Variants in NRF1 observed in about 807,000 individuals in gnomAD.
NRF1 encodes the protein alpha palindromic-binding protein.
Under a neutral mutation model 58.5 loss-of-function variants are expected in NRF1, and 5 were observed. That is an observed-to-expected ratio of 0.09 (90% confidence interval 0.04 to 0.18). NRF1 has a LOEUF of 0.18. NRF1 is among the 10% of genes least tolerant of loss of function. The probability of loss-of-function intolerance (pLI) is 1.00; values close to 1 mark genes in which losing one functional copy is unlikely to be tolerated. For missense variants in NRF1, 288 were observed against 657.7 expected (o/e 0.44, Z 6.15); for synonymous variants, 224 against 246.7 (o/e 0.91, Z 0.86).
chr7:129,709,971 C>T (rs1235822110), intron 6 of NRF1, among the ~76,000 whole-genome samples: 1 of 152,118 alleles, frequency 6.6e-6, no homozygotes, highest in East Asian at 1.9e-4. Flanking sequence ...CTCAGGCCAT[C>T]CGCCCTCCTC....
rs369945412 is a variant in NRF1 at position 129,710,370 on chromosome 7, A to G, written c.766-4A>G. ...AATGTGCTTTTCCGGTCATTTGGTG[A>G]CAGGTTTCATGGACCCAGGCACTAC... On this transcript the variant is annotated splice_region_variant and splice_polypyrimidine_tract_variant and intron_variant, in intron 6 of 10. Transcript: ENST00000393232. The G allele has an allele frequency of 6.2e-7, 1 of 1,613,948 alleles. No individual in the cohort carries two copies. The highest frequency in any genetic ancestry group is 1.3e-5 in the African/African-American group (1 of 74,928).
At chr7:129,626,156 TTTA>T (rs1162453051) in intron 1 of NRF1, among the ~76,000 whole-genome samples, 1 of 152,184 alleles carries the variant, frequency 6.6e-6, no homozygotes. Flanking sequence ...CAATAATGCC[TTTA>T]TTATTGATTT....
intron 10 of NRF1, chr7:129,744,085 G>A: frequency 8.1e-7 from 1 of 1,233,956 alleles, no homozygotes; most frequent in Non-Finnish European, 1.1e-6. Flanking sequence ...GTGCATGGGA[G>A]GCTGCAAGCG....
At chr7:129,749,001 C>G (rs1391883491) in intron 10 of NRF1, among the ~76,000 whole-genome samples, 2 of 152,324 alleles carry the variant, frequency 1.3e-5, no homozygotes, top group East Asian at 3.9e-4. Flanking sequence ...TGCCCGTGGT[C>G]TACCACAGTG....
At chr7:129,678,256 C>G (rs1476538309) in intron 4 of NRF1, among the ~76,000 whole-genome samples, 3 of 152,042 alleles carry the variant, frequency 2.0e-5, no homozygotes, top group African/African-American at 7.3e-5. Flanking sequence ...TATAACTATC[C>G]AGAGCTAATT....
intron 10 of NRF1, among the ~76,000 whole-genome samples, chr7:129,750,258 T>A (rs974224655): frequency 1.3e-5 from 2 of 152,180 alleles, no homozygotes; most frequent in African/African-American, 2.4e-5. Flanking sequence ...TTAGGGCTAA[T>A]CAGGGGCAGG....
chr7:129,638,636 C>G (rs1038031347), intron 1 of NRF1, among the ~76,000 whole-genome samples: 1 of 152,166 alleles, frequency 6.6e-6, no homozygotes, highest in East Asian at 1.9e-4. Context: ...TCTTCTCTAG[C>G]CTATACTTCT....
intron 1 of NRF1, among the ~76,000 whole-genome samples, chr7:129,650,888 G>A (rs547189769): frequency 6.6e-6 from 1 of 152,224 alleles, no homozygotes; most frequent in South Asian, 2.1e-4. Flanking sequence ...TAGCTATCCA[G>A]GGAATCTAAC....
intron 5 of NRF1, among the ~76,000 whole-genome samples, chr7:129,707,744 G>C (rs1802985320): frequency 6.6e-6 from 1 of 152,074 alleles, no homozygotes; most frequent in South Asian, 2.1e-4. Flanking sequence ...GAGACTGTTG[G>C]GGCATTGGGG....
chr7:129,754,309 T>G (rs1584699174), intron 10 of NRF1, among the ~76,000 whole-genome samples: 1 of 142,738 alleles, frequency 7.0e-6, no homozygotes, highest in Admixed American at 7.0e-5. Flanking sequence ...AAAAAAAAAA[T>G]TATATTAGCC....
intron 6 of NRF1, among the ~76,000 whole-genome samples, 199 bp from the exon 7 acceptor site, chr7:129,710,175 C>T (rs912928496): frequency 6.6e-6 from 1 of 152,168 alleles, no homozygotes; most frequent in Non-Finnish European, 1.5e-5. Context: ...CAAGAAGAAA[C>T]CAATGAGAAG....
In NRF1 at chr7:129,756,582, C is replaced by T. The variant is rs891563329; in HGVS notation, c.*1401C>T. On this transcript the variant is annotated 3_prime_UTR_variant, in exon 11 of 11. Coordinates refer to ENST00000393232, the MANE Select transcript of NRF1 (RefSeq NM_005011.5). ...CTGAGTCTCCAGTAGCTGAATTCAC[C>T]TGACTTTTCAACAGGCCAAATCTCT... The T allele has an allele frequency of 3.9e-5, 6 of 152,804 alleles. No individual in the cohort carries two copies. The highest frequency in any genetic ancestry group is 1.4e-4 in the African/African-American group (6 of 41,566). 9.5% of individuals were successfully genotyped at this position (152,804 alleles called of 1,614,324 possible). A position where few individuals can be genotyped will look rare whatever the true frequency, so the allele number is the denominator to read the frequency against.
chr7:129,677,178 T>C (rs1398099321), intron 3 of NRF1, among the ~76,000 whole-genome samples: 1 of 151,948 alleles, frequency 6.6e-6, no homozygotes, highest in Admixed American at 6.6e-5. Context: ...GTCTGGGTAA[T>C]GTTTTTGTAT....
At chr7:129,626,868 C>G (rs1177053050) in intron 1 of NRF1, among the ~76,000 whole-genome samples, 4 of 152,178 alleles carry the variant, frequency 2.6e-5, no homozygotes, top group African/African-American at 7.2e-5. Context: ...GATGTGTATC[C>G]ATTGCTAAAG....
At chr7:129,697,187 A>G (rs1482702864) in intron 5 of NRF1, among the ~76,000 whole-genome samples, 1 of 139,132 alleles carries the variant, frequency 7.2e-6, no homozygotes, top group East Asian at 1.9e-4. Context: ...GAGACAACAC[A>G]GGTGGCTTTT....
Position 129,618,060 on chromosome 7 carries a change from A to C in NRF1, c.-7+6236A>C, listed in dbSNP as rs573239442. On this transcript the variant is annotated intron_variant, in intron 1 of 10. Coordinates refer to ENST00000393232, the MANE Select transcript of NRF1 (RefSeq NM_005011.5). ...CCACTATGGTTTTTAAAAAGATGAC[A>C]TGTAAAGATTTGACTAGAGACTTGT... 1.2e-4 allele frequency among the ~76,000 whole-genome samples: 19 copies of C among 152,346 alleles called. No individual in the cohort carries two copies. In the South Asian group the frequency reaches 3.9e-3, roughly 32 times the overall value.
In NRF1 at chr7:129,696,060, T is replaced by TAAAAA. The variant is rs11434445; in HGVS notation, c.606+5536_606+5540dup. Among the ~76,000 whole-genome samples, 80 of 53,362 alleles carry TAAAAA rather than the reference T, an allele frequency of 1.5e-3. 5 individuals are homozygous for TAAAAA. The highest frequency in any genetic ancestry group is 7.6e-3 in the African/African-American group (60 of 7,888). 35.0% of individuals were successfully genotyped at this position (53,362 alleles called of 152,430 possible). A position where few individuals can be genotyped will look rare whatever the true frequency, so the allele number is the denominator to read the frequency against. On this transcript the variant is annotated intron_variant, in intron 5 of 10. Transcript: ENST00000393232. ...CAACATGGATAAACCCCGTCTCTAC[T>TAAAAA]AAAAAAAAAAAAAAAAAAAAAAAAA...
intron 5 of NRF1, among the ~76,000 whole-genome samples, chr7:129,696,349 CT>C: frequency 6.6e-6 from 1 of 152,224 alleles, no homozygotes. Context: ...CAACAACTCT[CT>C]TTTTCCCCCC....
At position 129,741,456 on chromosome 7, in the gene NRF1, T is replaced by C. The variant is rs1049537568; in HGVS notation, c.1349-13562T>C. Among the ~76,000 whole-genome samples the C allele has an allele frequency of 2.0e-5, 3 of 152,228 alleles. No homozygotes were observed. The highest frequency in any genetic ancestry group is 7.2e-5 in the African/African-American group (3 of 41,466). ...AAACCAAGACTGAATCTTGTGCCTG[T>C]CATTGTGAGCGCTATTCTGTAAAGG... On this transcript the variant is annotated intron_variant, in intron 10 of 10. Transcript: ENST00000393232. This position sits in a 1 kb window ranked among gnomAD's most constrained non-coding sequence, Gnocchi z 4.0.
Sources: allele counts gnomAD v4.1 joint callset (sites outside exome capture counted in the v4.1 genomes callset), GRCh38; gene constraint gnomAD v4.1.1; non-coding constraint Gnocchi (gnomAD v3.1); transcripts MANE v1.5; gene names NCBI Gene and HGNC (gene_info 2026-07-23, HGNC 2026-07-21).